Variants in ZDBF2 observed in about 807,000 individuals in gnomAD.
The protein encoded by ZDBF2 is DBF4-type zinc finger-containing protein 2.
ZDBF2 carries 6 observed loss-of-function variants against 9.4 expected under a neutral mutation model. The observed-to-expected ratio is 0.64, with a 90% CI of 0.35 to 1.27. The LOEUF is 1.27. Among genes scored for constraint, ZDBF2 ranks in the 50% most tolerant of loss-of-function variants. The pLI, the probability that ZDBF2 is intolerant of heterozygous loss-of-function variation, is 0.03. For synonymous variants in ZDBF2, 905 were observed against 946.3 expected, an observed-to-expected ratio of 0.96 and a Z score of 0.80; for missense variants, 2,697 against 2,766.8, an observed-to-expected ratio of 0.97 and a Z score of 0.57.
In ZDBF2 at chr2:206,311,664, C is replaced by T; in HGVS notation, c.*71C>T. 2 of 1,325,560 alleles carry T rather than the reference C, an allele frequency of 1.5e-6. No individual in the cohort carries two copies. Among genetic ancestry groups the T allele is most frequent in the Non-Finnish European group, 2.0e-6 (2 of 1,025,290 alleles). The allele number at this position is 1,325,560 out of a possible 1,614,324, so 82.1% of individuals were successfully genotyped here. On this transcript the variant is annotated 3_prime_UTR_variant, in exon 5 of 5. Transcript: ENST00000374423. Reference sequence around the variant, plus strand: ...TGAAATATATTTGGTACTTTGTGCACACAGCTTTCCCAGCTTTGGTGAGAA... The same window carrying T: ...TGAAATATATTTGGTACTTTGTGCATACAGCTTTCCCAGCTTTGGTGAGAA...
At position 206,277,197 on chromosome 2, in the gene ZDBF2, A is replaced by T. The variant is rs13400331; in HGVS notation, c.-103+2251A>T. On this transcript the variant is annotated intron_variant, in intron 1 of 4. Coordinates refer to ENST00000374423, the MANE Select transcript of ZDBF2 (RefSeq NM_020923.3). ...TTAGTTCTTACCACACTGCCACGCC[A>T]CACTCAGTTTGAGAAATACACACAC... is the stretch of plus-strand genomic sequence containing the variant. Among the ~76,000 whole-genome samples, 1,116 of 152,210 alleles carry T rather than the reference A, an allele frequency of 7.3e-3. 14 individuals carry two copies. Among genetic ancestry groups the T allele is most frequent in the African/African-American group, 0.026 (1,062 of 41,528 alleles).
At chr2:206,303,440 A>G (rs990113926) in intron 4 of ZDBF2, among the ~76,000 whole-genome samples, 3 of 152,094 alleles carry the variant, frequency 2.0e-5, no homozygotes, top group African/African-American at 7.2e-5. Flanking sequence ...TGTTTGCCCG[A>G]CTTTAAGAAT....
At chr2:206,302,567 A>G (rs762834166) in intron 4 of ZDBF2, among the ~76,000 whole-genome samples, 10 of 151,936 alleles carry the variant, frequency 6.6e-5, no homozygotes, top group African/African-American at 1.5e-4. Context: ...ATATTGCACA[A>G]TTGGTTTTAT....
intron 1 of ZDBF2, among the ~76,000 whole-genome samples, chr2:206,277,806 T>C (rs1161932426): frequency 6.6e-6 from 1 of 151,274 alleles, no homozygotes; most frequent in South Asian, 2.1e-4. Context: ...ATCTTAAACA[T>C]ATATACATTT....
At chr2:206,302,933 A>G (rs781471307) in intron 4 of ZDBF2, among the ~76,000 whole-genome samples, 17 of 152,076 alleles carry the variant, frequency 1.1e-4, no homozygotes, top group Admixed American at 1.3e-4. Flanking sequence ...ATAAACAAAC[A>G]GTTTTAGATT....
In ZDBF2 at chr2:206,281,890, A is replaced by G. The variant is rs1312769466; in HGVS notation, c.41A>G (p.Gln14Arg). 1 of 1,613,120 alleles carries G rather than the reference A, an allele frequency of 6.2e-7. No individual in the cohort carries two copies. Among genetic ancestry groups the G allele is most frequent in the Non-Finnish European group, 8.5e-7 (1 of 1,179,550 alleles). ...RQGYCSYCRVQYNNLEQHLFS... is the reference protein window; with the variant it reads ...RQGYCSYCRVRYNNLEQHLFS... ...GGATATTGCAGTTATTGCCGTGTGC[A>G]GTATAATAACCTGGAACAGGTGAGC... Residue 14 changes from glutamine to arginine, a missense_variant, in exon 3 of 5, where the codon CAG (glutamine) becomes CGG (arginine). Transcript: ENST00000374423.
At position 206,309,728 on chromosome 2, in the gene ZDBF2, C is replaced by T. The variant is rs1693046456; in HGVS notation, c.5200C>T (p.His1734Tyr). 1.2e-6 allele frequency: 2 copies of T among 1,613,888 alleles called. No homozygotes were observed. Among genetic ancestry groups the T allele is most frequent in the Non-Finnish European group, 1.7e-6 (2 of 1,179,874 alleles). Residue 1734 changes from histidine (H) to tyrosine (Y), a missense_variant, in exon 5 of 5, where the codon CAT (histidine) becomes TAT (tyrosine). His to Tyr is a moderately conservative substitution (Grantham distance 83). This residue lies in a region of ZDBF2 where 1,783 missense variants were observed against 1,776.5 expected (regional missense o/e 1.00). Coordinates refer to ENST00000374423, the MANE Select transcript of ZDBF2 (RefSeq NM_020923.3). ...TAAAAAAAAACGTTCGAAGCTAAAA[C>T]ATAGAGATCTAGAAGTGAGCTGTGA... ...ADKKKRSKLK[H>Y]RDLEVSCEPD...
chr2:206,307,579 T>A lies in ZDBF2; in HGVS notation c.3051T>A (p.Ala1017=). The change falls in exon 5 of 5, where the codon GCT becomes GCA. Residue 1017 remains alanine, a synonymous_variant. Coordinates refer to ENST00000374423, the MANE Select transcript of ZDBF2 (RefSeq NM_020923.3). Reference sequence around the variant, plus strand: ...ATTCAGTAACTGAACCTCAAGTAGCTGTTAACAAAATAAACAGAAAGAAGC... The same window carrying A: ...ATTCAGTAACTGAACCTCAAGTAGCAGTTAACAAAATAAACAGAAAGAAGC... ...PHYSVTEPQV[A]VNKINRKKQY... is the part of the protein sequence containing the mutation. The A allele has an allele frequency of 6.2e-7, 1 of 1,613,224 alleles. No homozygotes were observed. The highest frequency in any genetic ancestry group is 8.5e-7 in the Non-Finnish European group (1 of 1,179,624).
rs532265417 is a variant in ZDBF2 at position 206,282,412 on chromosome 2, G to T, written c.60+503G>T. Among the ~76,000 whole-genome samples, 3 of 152,272 alleles carry T rather than the reference G, an allele frequency of 2.0e-5. No homozygotes were observed. The South Asian group carries it at 6.2e-4, about 32-fold the overall frequency. On this transcript the variant is annotated intron_variant, in intron 3 of 4. Transcript: ENST00000374423. ...AGGTGGGTGAGAAGTAATAGGCAAA[G>T]AATTCAGACAAATCAATTCTGTATT...
chr2:206,275,716 G>A (rs900894258), intron 1 of ZDBF2, among the ~76,000 whole-genome samples: 26 of 152,290 alleles, frequency 1.7e-4, no homozygotes, highest in Admixed American at 9.8e-4. Flanking sequence ...TGTGGGGAGG[G>A]GGAGGGACGA....
chr2:206,307,903 A>T lies in ZDBF2; in HGVS notation c.3375A>T (p.Gln1125His). ...KLIHHPDVSV[Q>H]SVADQPKVAI... ...TACATCATCCTGATGTTTCTGTCCA[A>T]TCTGTGGCTGATCAACCCAAAGTAG... Residue 1125 changes from glutamine to histidine, a missense_variant, in exon 5 of 5, where the codon CAA becomes CAT. Around this residue, in one of 3 missense-constraint regions of ZDBF2, gnomAD observed 1,783 missense variants for 1,776.5 expected, o/e 1.00. Coordinates refer to ENST00000374423, the MANE Select transcript of ZDBF2 (RefSeq NM_020923.3). The T allele has an allele frequency of 6.2e-7, 1 of 1,613,066 alleles. No homozygotes were observed. The highest frequency in any genetic ancestry group is 1.1e-5 in the South Asian group (1 of 91,044).
chr2:206,305,176 T>G lies in ZDBF2; in HGVS notation c.648T>G (p.Val216=). ...SLPPAAHLDS[V]SKCDPNKVEK... is the part of the protein sequence containing the mutation. ...CACCAGCAGCTCATTTGGATTCAGT[T>G]AGCAAATGTGACCCAAACAAAGTTG... The change falls in exon 5 of 5, where the codon GTT becomes GTG. Residue 216 remains valine, a synonymous_variant. Coordinates refer to ENST00000374423, the MANE Select transcript of ZDBF2 (RefSeq NM_020923.3). 6.2e-7 allele frequency: 1 copy of G among 1,613,858 alleles called. No individual in the cohort carries two copies. The highest frequency in any genetic ancestry group is 8.5e-7 in the Non-Finnish European group (1 of 1,179,826).
chr2:206,281,390 G>C (rs1691308801), intron 2 of ZDBF2, among the ~76,000 whole-genome samples: 1 of 152,198 alleles, frequency 6.6e-6, no homozygotes, highest in African/African-American at 2.4e-5. Context: ...CAGAGAATGA[G>C]ACGTTGTCAA....
At position 206,297,306 on chromosome 2, in the gene ZDBF2, A is replaced by G. The variant is rs765523222; in HGVS notation, c.121A>G (p.Ser41Gly). The G allele has an allele frequency of 1.1e-5, 17 of 1,611,268 alleles. No individual in the cohort carries two copies. The highest frequency in any genetic ancestry group is 1.4e-5 in the Non-Finnish European group (17 of 1,177,562). The part of the protein sequence containing the change: ...TRQSRRQICT[S>G]SLMERFLQDV... ...ACAGAGTAGACGTCAAATATGTACC[A>G]GTAGTTTGATGGAACGTTTCTTACA... The change falls in exon 4 of 5, where the codon AGT becomes GGT. Residue 41 changes from serine (S) to glycine (G), a missense_variant. Coordinates refer to ENST00000374423, the MANE Select transcript of ZDBF2 (RefSeq NM_020923.3).
chr2:206,308,477 C>T lies in ZDBF2; in HGVS notation c.3949C>T (p.Leu1317=). The T allele has an allele frequency of 6.2e-7, 1 of 1,613,566 alleles. No homozygotes were observed. Among genetic ancestry groups the T allele is most frequent in the South Asian group, 1.1e-5 (1 of 91,004 alleles). Residue 1317 remains leucine (L), a synonymous_variant, in exon 5 of 5, where the codon CTG becomes TTG. Transcript: ENST00000374423. ...INLLREEHVC[L]DDKGYVPSDS... The stretch of plus-strand genomic sequence containing the variant: ...TCTTTTGAGGGAGGAACATGTTTGT[C>T]TGGATGATAAGGGCTATGTGCCCAG...
intron 3 of ZDBF2, among the ~76,000 whole-genome samples, chr2:206,295,624 G>A (rs1444072805): frequency 1.3e-5 from 2 of 151,946 alleles, no homozygotes; most frequent in African/African-American, 4.8e-5. Context: ...TCTGCCCACT[G>A]TAGACTCCCA....
chr2:206,284,508 C>T (rs1315769275), intron 3 of ZDBF2, among the ~76,000 whole-genome samples: 1 of 152,078 alleles, frequency 6.6e-6, no homozygotes, highest in East Asian at 1.9e-4. Flanking sequence ...TATAGTCATC[C>T]TACAGTGTTG....
At chr2:206,276,458 C>CA (rs1559128210) in intron 1 of ZDBF2, among the ~76,000 whole-genome samples, 1 of 152,170 alleles carries the variant, frequency 6.6e-6, no homozygotes, top group Non-Finnish European at 1.5e-5. Flanking sequence ...TTAAACTAGA[C>CA]ATTAGTTTTA....
Position 206,306,850 on chromosome 2 carries a change from G to A in ZDBF2, c.2322G>A (p.Arg774=), listed in dbSNP as rs778537783. ...QSHLDAEGKE[R]HIDLEDESCE... is the part of the protein sequence containing the mutation. ...ATCTGGATGCTGAAGGAAAAGAACG[G>A]CACATTGACCTGGAAGATGAGAGCT... Residue 774 remains arginine (R), a synonymous_variant, in exon 5 of 5, where the codon CGG becomes CGA. Coordinates refer to ENST00000374423, the MANE Select transcript of ZDBF2 (RefSeq NM_020923.3). 3.1e-6 allele frequency: 5 copies of A among 1,613,778 alleles called. No homozygotes were observed. The highest frequency in any genetic ancestry group is 4.2e-6 in the Non-Finnish European group (5 of 1,179,810).
Sources: gnomAD v4.1 joint callset for allele counts (sites outside exome capture counted in the v4.1 genomes callset) on GRCh38, gnomAD v4.1.1 for gene constraint, gnomAD v4.1.1 regional missense constraint, MANE v1.5 for transcripts, NCBI Gene and HGNC (gene_info 2026-07-23, HGNC 2026-07-21) for gene names.